TANK: variants seen among roughly 807,000 people sequenced by gnomAD.
TANK encodes the protein TRAF family member associated NFKB activator, also known as TRAF family member-associated NF-kappa-B activator.
A neutral mutation model predicts 43.6 loss-of-function variants in TANK; 15 were observed. That is an observed-to-expected ratio of 0.34 (90% CI 0.23 to 0.53). The LOEUF (loss-of-function observed/expected upper bound fraction) is 0.53, where lower values mean the gene tolerates loss of function less well. TANK is among the 20% of genes least tolerant of loss of function. The pLI, the probability that TANK is intolerant of heterozygous loss-of-function variation, is 0.94. For synonymous variants in TANK, 162 were observed against 178.2 expected (o/e 0.91, Z 0.73); for missense variants, 417 against 498.6 (o/e 0.84, Z 1.56).
At chr2:161,229,827 A>G (rs766309900) in intron 6 of TANK, among the ~76,000 whole-genome samples, 4 of 152,184 alleles carry the variant, frequency 2.6e-5, no homozygotes, top group Non-Finnish European at 2.9e-5. Context: ...GCTGATGACA[A>G]TCCTTAAAAT....
intron 4 of TANK, chr2:161,207,751 C>A: frequency 1.0e-6 from 1 of 985,280 alleles, no homozygotes; most frequent in Non-Finnish European, 1.2e-6. Context: ...TCCTAAAGAA[C>A]TCTGAATATA....
intron 6 of TANK, among the ~76,000 whole-genome samples, chr2:161,229,309 C>G (rs1687790643): frequency 6.6e-6 from 1 of 152,138 alleles, no homozygotes. Flanking sequence ...CAGTCATGAA[C>G]AGTCTAATAA....
intron 1 of TANK, among the ~76,000 whole-genome samples, chr2:161,151,853 T>TC (rs1239157641): frequency 1.3e-5 from 2 of 152,192 alleles, no homozygotes; most frequent in Non-Finnish European, 2.9e-5. Flanking sequence ...TTTCTATTTC[T>TC]CACTTCTTCC....
intron 2 of TANK, among the ~76,000 whole-genome samples, chr2:161,197,009 T>TA (rs1686181468): frequency 6.6e-6 from 1 of 152,198 alleles, no homozygotes. Context: ...TTCTCATTTG[T>TA]AAAAAAGTGT....
At chr2:161,149,189 G>C (rs778468609) in intron 1 of TANK, among the ~76,000 whole-genome samples, 1 of 152,028 alleles carries the variant, frequency 6.6e-6, no homozygotes, top group African/African-American at 2.4e-5. Context: ...GTAGTTTTCA[G>C]TCTATAACTA....
At chr2:161,229,537 G>C (rs73971176) in intron 6 of TANK, among the ~76,000 whole-genome samples, 5 of 152,306 alleles carry the variant, frequency 3.3e-5, no homozygotes, top group African/African-American at 7.2e-5. Context: ...GGTATGAAGA[G>C]AGGTATAAAG....
chr2:161,165,883 T>C (rs1215853587), intron 1 of TANK, among the ~76,000 whole-genome samples: 2 of 151,956 alleles, frequency 1.3e-5, no homozygotes, highest in African/African-American at 4.8e-5. Context: ...CTCAGAGGAG[T>C]AGAACATCAC....
intron 2 of TANK, chr2:161,202,787 A>G (rs983407662): frequency 7.0e-6 from 3 of 430,116 alleles, no homozygotes; most frequent in Admixed American, 2.9e-5. Flanking sequence ...AACAGTTTCA[A>G]ATTTGCTTGA....
intron 4 of TANK, chr2:161,216,586 TG>T: frequency 1.1e-5 from 2 of 176,822 alleles, no homozygotes; most frequent in Non-Finnish European, 2.4e-5. Flanking sequence ...AGTTCTTTCT[TG>T]GCCAAAAAAA....
Position 161,179,598 on chromosome 2 carries a change from T to C in TANK, c.-49-16T>C, listed in dbSNP as rs758284955. 2 of 1,587,812 alleles carry C rather than the reference T, an allele frequency of 1.3e-6. No individual in the cohort carries two copies. The highest frequency in any genetic ancestry group is 1.1e-5 in the South Asian group (1 of 87,034). ...GTAACTTAGTAATTATCTAAATTGATCTCATTATTTTGCAGACCTGTCATT... is the reference window on the plus strand; with the variant it reads ...GTAACTTAGTAATTATCTAAATTGACCTCATTATTTTGCAGACCTGTCATT... On this transcript the variant is annotated splice_polypyrimidine_tract_variant and intron_variant, in intron 1 of 7. Transcript: ENST00000392749.
At chr2:161,219,857 T>C in intron 4 of TANK, 1 of 393,054 alleles carries the variant, frequency 2.5e-6, no homozygotes, top group Non-Finnish European at 5.0e-6. Flanking sequence ...CAAATGAATC[T>C]TTATTTTCAG....
Position 161,152,551 on chromosome 2 carries a change from T to C in TANK, c.-50+15488T>C, listed in dbSNP as rs190215243. On this transcript the variant is annotated intron_variant, in intron 1 of 7. Transcript: ENST00000259075. ...TGCACATAATGTGTCACTTCTTTCT[T>C]GCTGCTTTCAATATTCTCTCTTTGT... Among the ~76,000 whole-genome samples the C allele has an allele frequency of 3.0e-3, 454 of 152,286 alleles. 2 individuals carry two copies. Among genetic ancestry groups the C allele is most frequent in the Non-Finnish European group, 4.3e-3 (292 of 67,982 alleles).
In TANK at chr2:161,230,983, C is replaced by CAGA; in HGVS notation, c.533_534insAGA (p.Ser178_Val179insAsp). ...CTTCTCCCTCCAGAAACACAGTGCT[C>CAGA]TGTGCCTATACAGTGTACGGATAAA... is the stretch of plus-strand genomic sequence containing the variant. On this transcript the variant is annotated inframe_insertion, in exon 7 of 8. Transcript: ENST00000392749. 6.2e-7 allele frequency: 1 copy of CAGA among 1,613,770 alleles called. No homozygotes were observed.
chr2:161,168,961 T>A (rs1684821370), intron 1 of TANK, among the ~76,000 whole-genome samples: 1 of 152,184 alleles, frequency 6.6e-6, no homozygotes, highest in East Asian at 1.9e-4. Flanking sequence ...AGCCAAAGGA[T>A]CCGTTAAGTC....
intron 4 of TANK, among the ~76,000 whole-genome samples, chr2:161,205,534 ACT>A (rs1361621164): frequency 1.8e-4 from 28 of 152,114 alleles, no homozygotes; most frequent in African/African-American, 7.2e-5. Context: ...CTTAAGCAAG[ACT>A]CTATTGAAGT....
intron 2 of TANK, among the ~76,000 whole-genome samples, chr2:161,181,439 CA>C (rs71408164): frequency 4.0e-5 from 6 of 150,904 alleles, no homozygotes; most frequent in South Asian, 2.1e-4. Flanking sequence ...ACAACAACAA[CA>C]AAAAAAAACT....
chr2:161,167,884 A>AGAGT (rs1423609674), intron 1 of TANK, among the ~76,000 whole-genome samples: 4 of 152,120 alleles, frequency 2.6e-5, no homozygotes, highest in Admixed American at 6.5e-5. Context: ...TCGGCCTCCC[A>AGAGT]GAGTGCTGGG....
At chr2:161,163,894 G>T (rs943333342) in intron 1 of TANK, among the ~76,000 whole-genome samples, 1 of 152,178 alleles carries the variant, frequency 6.6e-6, no homozygotes, top group East Asian at 1.9e-4. Flanking sequence ...CTCGATAATA[G>T]TGTAATCTTT....
At chr2:161,223,810 G>T in intron 4 of TANK, 105 bp from the exon 5 acceptor site, 1 of 672,060 alleles carries the variant, frequency 1.5e-6, no homozygotes, top group South Asian at 2.2e-5. Context: ...TTATTTTTCA[G>T]TAGGGAAGGT....
Sources: allele counts gnomAD v4.1 joint callset (sites outside exome capture counted in the v4.1 genomes callset), GRCh38; gene constraint gnomAD v4.1.1; transcripts MANE v1.5; gene names NCBI Gene and HGNC (gene_info 2026-07-23, HGNC 2026-07-21).